CACNA1G: variants seen among roughly 807,000 people sequenced by gnomAD.
CACNA1G encodes the protein voltage-dependent T-type calcium channel subunit alpha-1G.
In CACNA1G, 67 loss-of-function variants were observed where a neutral mutation model predicts 219.4. The ratio of observed to expected loss-of-function variants is 0.31; its 90% confidence interval spans 0.25 to 0.37. The LOEUF (loss-of-function observed/expected upper bound fraction) is 0.37, where lower values mean the gene tolerates loss of function less well. Ranked by LOEUF, CACNA1G falls within the 10% of genes least tolerant of loss-of-function variation. CACNA1G has a pLI of 1.00. For synonymous variants in CACNA1G, 1,296 were observed against 1,345.3 expected, an observed-to-expected ratio of 0.96 and a Z score of 0.80; for missense variants, 2,380 against 3,231.4, an observed-to-expected ratio of 0.74 and a Z score of 6.39.
In CACNA1G at chr17:50,607,754, A is replaced by C. The variant is rs148325254; in HGVS notation, c.4513-73A>C. 4.5e-3 allele frequency: 6,024 copies of C among 1,353,310 alleles called. 16 individuals are homozygous for C. Among genetic ancestry groups the C allele is most frequent in the Non-Finnish European group, 5.6e-3 (5,272 of 946,256 alleles). 83.8% of individuals were successfully genotyped at this position (1,353,310 alleles called of 1,614,324 possible). A position where few individuals can be genotyped will look rare whatever the true frequency, so the allele number is the denominator to read the frequency against. ...TAGCTATTTGGGTTCGCAGGAACCCAGGCTGTGGGCAGCTCCTAAGACAGC... is the reference window on the plus strand; with the variant it reads ...TAGCTATTTGGGTTCGCAGGAACCCCGGCTGTGGGCAGCTCCTAAGACAGC... On this transcript the variant is annotated intron_variant, in intron 24 of 37. Coordinates refer to ENST00000359106, the MANE Select transcript of CACNA1G (RefSeq NM_018896.5).
intron 9 of CACNA1G, among the ~76,000 whole-genome samples, chr17:50,588,712 C>T (rs550518858): frequency 3.9e-5 from 6 of 152,192 alleles, no homozygotes; most frequent in Non-Finnish European, 7.3e-5. Flanking sequence ...CTGGCCCCCA[C>T]GACAGCCACT....
intron 33 of CACNA1G, 64 bp downstream of exon 33, chr17:50,619,072 G>C: frequency 7.6e-7 from 1 of 1,308,240 alleles, no homozygotes; most frequent in Non-Finnish European, 1.0e-6. Flanking sequence ...GGAGGGTGGT[G>C]GGCGGGAGCC....
At chr17:50,577,114 C>G (rs576098287) in intron 8 of CACNA1G, among the ~76,000 whole-genome samples, 2 of 152,296 alleles carry the variant, frequency 1.3e-5, no homozygotes, top group South Asian at 4.1e-4. Flanking sequence ...ATCACAGAAC[C>G]CAGAGCGAAA....
intron 14 of CACNA1G, among the ~76,000 whole-genome samples, chr17:50,595,878 T>C (rs975160276): frequency 6.6e-6 from 1 of 152,228 alleles, no homozygotes; most frequent in Non-Finnish European, 1.5e-5. Flanking sequence ...TATGTCCTTA[T>C]CAAAAGTAGC....
At position 50,621,705 on chromosome 17, in the gene CACNA1G, G is replaced by A. The variant is rs777704978; in HGVS notation, c.5971G>A (p.Val1991Met). 3 of 1,613,968 alleles carry A rather than the reference G, an allele frequency of 1.9e-6. No individual in the cohort carries two copies. Among genetic ancestry groups the A allele is most frequent in the South Asian group, 2.2e-5 (2 of 91,088 alleles). ...MEALSLTSEIVSEPSCSLALT... is the reference protein window; with the variant it reads ...MEALSLTSEIMSEPSCSLALT... ...GGCTCTGTCTCTGACGTCAGAGATT[G>A]TGTCTGAACCGTCCTGCTCTCTAGC... The change falls in exon 35 of 38, where the codon GTG becomes ATG. Residue 1991 changes from valine (V) to methionine (M), a missense_variant. Transcript: ENST00000359106. The surrounding 1 kb of genome is among the most constrained non-coding windows in gnomAD (Gnocchi z 4.6).
At position 50,617,709 on chromosome 17, in the gene CACNA1G, G is replaced by T; in HGVS notation, c.5155+138G>T. 7.0e-7 allele frequency: 1 copy of T among 1,432,898 alleles called. No individual in the cohort carries two copies. The highest frequency in any genetic ancestry group is 2.0e-5 in the Admixed American group (1 of 50,182). 88.8% of individuals were successfully genotyped at this position (1,432,898 alleles called of 1,614,324 possible). A position where few individuals can be genotyped will look rare whatever the true frequency, so the allele number is the denominator to read the frequency against. ...CTTTCTCCCAGCTTCTGCCAAGGGA[G>T]GCTGGAGACAGGGCTGAGGATGGGG... On this transcript the variant is annotated intron_variant, in intron 29 of 37. Transcript: ENST00000359106. The surrounding 1 kb of genome is among the most constrained non-coding windows in gnomAD (Gnocchi z 5.8).
chr17:50,626,670 C>T lies in CACNA1G; in HGVS notation c.7053C>T (p.Ser2351=), dbSNP rs1250536116. 1 of 1,613,184 alleles carries T rather than the reference C, an allele frequency of 6.2e-7. No homozygotes were observed. The change falls in exon 38 of 38, where the codon AGC becomes AGT. Residue 2351 remains serine, a synonymous_variant. Coordinates refer to ENST00000359106, the MANE Select transcript of CACNA1G (RefSeq NM_018896.5). This position sits in a 1 kb window ranked among gnomAD's most constrained non-coding sequence, Gnocchi z 4.3. Reference sequence around the variant, plus strand: ...CCTTGGCCTCTGGCCCCCCTGACAGCATGGCTGCCTCGCCCTCCCCAAAGA... The same window carrying T: ...CCTTGGCCTCTGGCCCCCCTGACAGTATGGCTGCCTCGCCCTCCCCAAAGA... ...KDPLASGPPD[S]MAASPSPKKD...
rs1002129634 is a variant in CACNA1G at position 50,596,149 on chromosome 17, G to A, written c.2980-413G>A. Among the ~76,000 whole-genome samples the A allele has an allele frequency of 3.4e-4, 51 of 152,126 alleles. No individual in the cohort carries two copies. The highest frequency in any genetic ancestry group is 1.0e-3 in the African/African-American group (43 of 41,416). On this transcript the variant is annotated intron_variant, in intron 14 of 37. Coordinates refer to ENST00000359106, the MANE Select transcript of CACNA1G (RefSeq NM_018896.5). The surrounding 1 kb of genome is among the most constrained non-coding windows in gnomAD (Gnocchi z 4.8). ...GTCTGAGGCTCAGGGGAGGGGAGCC[G>A]TGGAGAGAAAGCAAAGGGCCTCCAG...
chr17:50,606,854 C>A, intron 23 of CACNA1G, 46 bp from the exon 24 acceptor site: 1 of 1,423,444 alleles, frequency 7.0e-7, no homozygotes, highest in Non-Finnish European at 9.9e-7. Flanking sequence ...GTGATTCAGC[C>A]ACACATCCTA....
intron 12 of CACNA1G, 29 bp downstream of exon 12, chr17:50,591,882 C>G (rs778465065): frequency 6.2e-7 from 1 of 1,612,820 alleles, no homozygotes; most frequent in Non-Finnish European, 8.5e-7. Flanking sequence ...AGGGCGTGGA[C>G]AGGGGCCGTC....
intron 4 of CACNA1G, among the ~76,000 whole-genome samples, chr17:50,570,557 C>CTGTGTGTGTGTGTGTGTG (rs3062844): frequency 0.14 from 18,465 of 132,370 alleles, 1,721 homozygotes; most frequent in East Asian, 0.31. Flanking sequence ...CCCCTGCGCT[C>CTGTGTGTGTGTGTGTGTG]TGTGTGTGTG....
rs570063794 is a variant in CACNA1G, at chr17:50,600,019, C to T, written c.3690+160C>T. Among the ~76,000 whole-genome samples the T allele has an allele frequency of 5.3e-5, 8 of 152,350 alleles. No individual in the cohort carries two copies. In the East Asian group the frequency reaches 5.8e-4, roughly 11 times the overall value. Reference sequence around the variant, plus strand: ...CAAACAATCCCTTTTCTCCCTCTGCCCGCCTTGCCAAGCCCCAGATCCTTG... The same window carrying T: ...CAAACAATCCCTTTTCTCCCTCTGCTCGCCTTGCCAAGCCCCAGATCCTTG... On this transcript the variant is annotated intron_variant, in intron 17 of 37. Coordinates refer to ENST00000359106, the MANE Select transcript of CACNA1G (RefSeq NM_018896.5). This position sits in a 1 kb window ranked among gnomAD's most constrained non-coding sequence, Gnocchi z 4.1.
In CACNA1G at chr17:50,601,008, G is replaced by A. The variant is rs371709877; in HGVS notation, c.3792-43G>A. ...CGGGCGGTGCCTCTCGTTGCCACCTGCCCTGCCTCCCCCTCTCAGCCGTTG... is the reference window on the plus strand; with the variant it reads ...CGGGCGGTGCCTCTCGTTGCCACCTACCCTGCCTCCCCCTCTCAGCCGTTG... On this transcript the variant is annotated intron_variant, in intron 18 of 37. Transcript: ENST00000359106. The A allele has an allele frequency of 6.2e-5, 99 of 1,605,020 alleles. No homozygotes were observed. The Middle Eastern group carries it at 8.3e-4, about 13-fold the overall frequency.
Position 50,614,480 on chromosome 17 carries a change from G to A in CACNA1G, c.4760-881G>A, listed in dbSNP as rs531373038. On this transcript the variant is annotated intron_variant, in intron 26 of 37. Coordinates refer to ENST00000359106, the MANE Select transcript of CACNA1G (RefSeq NM_018896.5). ...TGGCCTGGCCCTTCCTCAGCACCTG[G>A]AAGAGGGCCCCCCTGAAATCTCCTG... Among the ~76,000 whole-genome samples the A allele has an allele frequency of 3.9e-5, 6 of 152,358 alleles. No individual in the cohort carries two copies. The South Asian group carries it at 1.2e-3, about 32-fold the overall frequency.
At position 50,571,473 on chromosome 17, in the gene CACNA1G, C is replaced by A. The variant is rs1178934013; in HGVS notation, c.587-405C>A. 6.6e-6 allele frequency among the ~76,000 whole-genome samples: 1 copy of A among 152,064 alleles called. No individual in the cohort carries two copies. The highest frequency in any genetic ancestry group is 1.5e-5 in the Non-Finnish European group (1 of 68,014). ...GTGTGTTGGAGAGGGATTCGGAAGC[C>A]AAAGCCTGGGTTCGAGTTCCGGCAC... On this transcript the variant is annotated intron_variant, in intron 4 of 37. Transcript: ENST00000359106. The surrounding 1 kb of genome is among the most constrained non-coding windows in gnomAD (Gnocchi z 4.3).
chr17:50,569,893 C>T, intron 4 of CACNA1G, 90 bp downstream of exon 4: 1 of 969,428 alleles, frequency 1.0e-6, no homozygotes, highest in East Asian at 2.7e-5. Flanking sequence ...TGTGTCCTCA[C>T]CTGACCCCTC....
At chr17:50,580,409 C>T (rs984140874) in intron 9 of CACNA1G, among the ~76,000 whole-genome samples, 12 of 152,242 alleles carry the variant, frequency 7.9e-5, no homozygotes, top group African/African-American at 2.9e-4. Flanking sequence ...CAGGGGGCAC[C>T]TCCCCAGTGC....
chr17:50,561,062 G>A lies in CACNA1G; in HGVS notation c.-398G>A. ...GCGGGAAGAGGGGGCGCCCCTCCCC[G>A]GACCCCCGCCCTCCGCCGCTGCCCC... On this transcript the variant is annotated 5_prime_UTR_variant, in exon 1 of 38. Transcript: ENST00000359106. The A allele has an allele frequency of 6.0e-6, 2 of 333,686 alleles. No homozygotes were observed. The highest frequency in any genetic ancestry group is 5.9e-6 in the Non-Finnish European group (1 of 170,058). The allele number at this position is 333,686 out of a possible 1,614,324, so 20.7% of individuals were successfully genotyped here. A position where few individuals can be genotyped will look rare whatever the true frequency, so the allele number is the denominator to read the frequency against.
chr17:50,594,533 G>A (rs1440395706), intron 13 of CACNA1G, among the ~76,000 whole-genome samples: 3 of 152,074 alleles, frequency 2.0e-5, no homozygotes, highest in African/African-American at 4.8e-5. Context: ...CCACAGACTC[G>A]GGTTCCAGGC....
Sources: allele counts gnomAD v4.1 joint callset (sites outside exome capture counted in the v4.1 genomes callset), GRCh38; gene constraint gnomAD v4.1.1; non-coding constraint Gnocchi (gnomAD v3.1); transcripts MANE v1.5; gene names NCBI Gene and HGNC (gene_info 2026-07-23, HGNC 2026-07-21).